TRIP11: variants seen among roughly 807,000 people sequenced by gnomAD.
TRIP11 encodes thyroid receptor-interacting protein 11.
A neutral mutation model predicts 223.1 loss-of-function variants in TRIP11; 148 were observed. The ratio of observed to expected loss-of-function variants is 0.66; its 90% confidence interval spans 0.58 to 0.76. The LOEUF (loss-of-function observed/expected upper bound fraction) is 0.76, where lower values mean the gene tolerates loss of function less well. Ranked by LOEUF, TRIP11 falls within the 30% of genes least tolerant of loss-of-function variation. The pLI, the probability that TRIP11 is intolerant of heterozygous loss-of-function variation, is 0.00. For missense variants in TRIP11, 2,043 were observed against 2,222.0 expected, an observed-to-expected ratio of 0.92 and a Z score of 1.62; for synonymous variants, 762 against 772.6, an observed-to-expected ratio of 0.99 and a Z score of 0.23.
intron 4 of TRIP11, among the ~76,000 whole-genome samples, chr14:92,020,985 A>G (rs575888000): frequency 1.3e-5 from 2 of 150,882 alleles, no homozygotes; most frequent in East Asian, 3.9e-4. Flanking sequence ...CGGGAGAATC[A>G]TTTGAACCCG....
Position 91,966,637 on chromosome 14 carries a change from A to T in TRIP11, c.*3036T>A. 1 of 214,660 alleles carries T rather than the reference A, an allele frequency of 4.7e-6. No individual in the cohort carries two copies. Among genetic ancestry groups the T allele is most frequent in the Non-Finnish European group, 9.4e-6 (1 of 106,246 alleles). 13.3% of individuals were successfully genotyped at this position (214,660 alleles called of 1,614,324 possible). On this transcript the variant is annotated 3_prime_UTR_variant, in exon 21 of 21. Transcript: ENST00000267622. ...GGGGAGATACTGGACGTTTTAATTG[A>T]CTAGTTGGAAAGAAGCCATTCTTTT...
At position 92,033,133 on chromosome 14, in the gene TRIP11, T is replaced by C. The variant is rs368621658; in HGVS notation, c.201+59A>G. On this transcript the variant is annotated intron_variant, in intron 2 of 20. Transcript: ENST00000267622. The stretch of plus-strand genomic sequence containing the variant: ...TAAAAAGAAAGGATCAAAGTAATGT[T>C]TGAGTAACCTTCATGACTTCAAAAA... 15 of 1,274,176 alleles carry C rather than the reference T, an allele frequency of 1.2e-5. No homozygotes were observed. In the South Asian group the frequency reaches 1.2e-4, roughly 10 times the overall value. The allele number at this position is 1,274,176 out of a possible 1,614,324, so 78.9% of individuals were successfully genotyped here.
At chr14:91,985,657 C>G (rs2056596465) in intron 16 of TRIP11, among the ~76,000 whole-genome samples, 1 of 152,198 alleles carries the variant, frequency 6.6e-6, no homozygotes, top group African/African-American at 2.4e-5. Flanking sequence ...AATACTTTGC[C>G]TTTACGATTC....
rs2056365098 is a variant in TRIP11, at chr14:91,968,725, A to T, written c.*948T>A. ...ACATCCAAAGCCTTGGATGGATCTC[A>T]AGGGAATTATGCTGAGTGAAAAAAA... On this transcript the variant is annotated 3_prime_UTR_variant, in exon 21 of 21. Transcript: ENST00000267622. The T allele has an allele frequency of 4.4e-6, 1 of 228,040 alleles. No individual in the cohort carries two copies. Among genetic ancestry groups the T allele is most frequent in the African/African-American group, 2.2e-5 (1 of 44,990 alleles). The allele number at this position is 228,040 out of a possible 1,614,324, so 14.1% of individuals were successfully genotyped here. A position where few individuals can be genotyped will look rare whatever the true frequency, so the allele number is the denominator to read the frequency against.
chr14:92,011,483 C>CAAAAAA (rs200967942), intron 8 of TRIP11, among the ~76,000 whole-genome samples: 1 of 42,468 alleles, frequency 2.4e-5, no homozygotes, highest in Admixed American at 3.8e-4. Flanking sequence ...GACTCCGTCT[C>CAAAAAA]AAAAAAAAAA....
At chr14:92,009,742 A>T (rs2056948516) in intron 9 of TRIP11, among the ~76,000 whole-genome samples, 1 of 152,204 alleles carries the variant, frequency 6.6e-6, no homozygotes, top group South Asian at 2.1e-4. Flanking sequence ...CTGCATATAT[A>T]CTAATGTGGA....
In TRIP11 at chr14:91,977,239, TTGA is replaced by T. The variant is rs779847482; in HGVS notation, c.5261-1053_5261-1051del. On this transcript the variant is annotated intron_variant, in intron 16 of 20. Transcript: ENST00000267622. The stretch of plus-strand genomic sequence containing the variant: ...TTCTGTGAGTTGTCATCTCACTTTC[TTGA>T]TGATATCTTTTGAAACACAAAAGTT... The T allele has an allele frequency of 2.0e-5, 9 of 454,802 alleles. 1 individual carries two copies. The East Asian group carries it at 4.2e-4, about 21-fold the overall frequency. The allele number at this position is 454,802 out of a possible 1,614,324, so 28.2% of individuals were successfully genotyped here.
At chr14:91,989,451 C>T (rs771588078) in intron 15 of TRIP11, among the ~76,000 whole-genome samples, 31 of 150,730 alleles carry the variant, frequency 2.1e-4, no homozygotes, top group Non-Finnish European at 2.8e-4. Context: ...ATATCCTGGG[C>T]TCTATTTCTG....
At chr14:91,985,770 T>C (rs1015536659) in intron 16 of TRIP11, among the ~76,000 whole-genome samples, 1 of 152,208 alleles carries the variant, frequency 6.6e-6, no homozygotes, top group Non-Finnish European at 1.5e-5. Context: ...GTGTTAAAAA[T>C]AAAGTACAGT....
At chr14:92,026,990 GGCCC>G in intron 2 of TRIP11, 2 of 800,008 alleles carry the variant, frequency 2.5e-6, no homozygotes, top group Non-Finnish European at 2.1e-6. Context: ...CAAGTAGAGA[GGCCC>G]GCCCGCCCAC....
At chr14:91,977,671 T>G (rs1393999941) in intron 16 of TRIP11, among the ~76,000 whole-genome samples, 2 of 108,472 alleles carry the variant, frequency 1.8e-5, no homozygotes, top group Non-Finnish European at 3.8e-5. Flanking sequence ...TCACCTTTCA[T>G]GTCTCTGTTT....
At chr14:91,985,785 C>T (rs902358836) in intron 16 of TRIP11, among the ~76,000 whole-genome samples, 2 of 152,156 alleles carry the variant, frequency 1.3e-5, no homozygotes, top group African/African-American at 4.8e-5. Flanking sequence ...TACAGTATTA[C>T]AACATCAATC....
At chr14:91,999,547 C>G in intron 12 of TRIP11, 114 bp from the exon 13 acceptor site, 1 of 1,107,426 alleles carries the variant, frequency 9.0e-7, no homozygotes, top group Non-Finnish European at 1.3e-6. Context: ...ATACCAATTT[C>G]TCATACTGCA....
At chr14:92,025,747 G>C (rs1253632611) in intron 2 of TRIP11, among the ~76,000 whole-genome samples, 1 of 152,130 alleles carries the variant, frequency 6.6e-6, no homozygotes, top group African/African-American at 2.4e-5. Context: ...GGGCGTGGTG[G>C]CGTGTGCCCG....
At position 92,005,453 on chromosome 14, in the gene TRIP11, A is replaced by T. The variant is rs748936811; in HGVS notation, c.2523T>A (p.Asn841Lys). The T allele has an allele frequency of 6.2e-7, 1 of 1,613,682 alleles. No homozygotes were observed. Among genetic ancestry groups the T allele is most frequent in the Non-Finnish European group, 8.5e-7 (1 of 1,179,986 alleles). The change falls in exon 11 of 21, where the codon AAT (asparagine) becomes AAA (lysine). Residue 841 changes from asparagine (N) to lysine (K), a missense_variant. Asn to Lys is a moderately conservative substitution (Grantham distance 94). Transcript: ENST00000267622. ...LDKYSQALRK[N>K]EILRQTIEEK... The stretch of plus-strand genomic sequence containing the variant: ...CCTCTATGGTCTGTCTTAAAATTTC[A>T]TTTTTTCTTAAGGCCTGAGAATATT...
intron 13 of TRIP11, 111 bp from the exon 14 acceptor site, chr14:91,995,626 T>G: frequency 8.3e-7 from 1 of 1,205,904 alleles, no homozygotes; most frequent in Non-Finnish European, 1.1e-6. Flanking sequence ...TTTCTTTTTT[T>G]TTTTTTTGAG....
At position 91,966,186 on chromosome 14, in the gene TRIP11, CAA is replaced by C. The variant is rs985718553; in HGVS notation, c.*3485_*3486del. Reference sequence around the variant, plus strand: ...CACGTTTAGATATTTCCCTAAAAATCAAAAGACAATTTAAATTGTTTTACATA... The same window carrying C: ...CACGTTTAGATATTTCCCTAAAAATCAAGACAATTTAAATTGTTTTACATA... On this transcript the variant is annotated 3_prime_UTR_variant, in exon 21 of 21. Transcript: ENST00000267622. 1.7e-5 allele frequency: 3 copies of C among 175,662 alleles called. No individual in the cohort carries two copies. The highest frequency in any genetic ancestry group is 7.1e-5 in the African/African-American group (3 of 42,186). The allele number at this position is 175,662 out of a possible 1,614,324, so 10.9% of individuals were successfully genotyped here.
At chr14:92,028,631 A>G (rs1293978668) in intron 2 of TRIP11, among the ~76,000 whole-genome samples, 1 of 152,192 alleles carries the variant, frequency 6.6e-6, no homozygotes, top group Non-Finnish European at 1.5e-5. Context: ...ATATGAAAAG[A>G]GTTGCCAGAG....
intron 17 of TRIP11, among the ~76,000 whole-genome samples, chr14:91,975,771 CA>C (rs1161008013): frequency 6.6e-6 from 1 of 151,934 alleles, no homozygotes; most frequent in Non-Finnish European, 1.5e-5. Flanking sequence ...TACATTTGAG[CA>C]AGATTATGTT....
Sources: gnomAD v4.1 joint callset for allele counts (sites outside exome capture counted in the v4.1 genomes callset) on GRCh38, gnomAD v4.1.1 for gene constraint, MANE v1.5 for transcripts, NCBI Gene and HGNC (gene_info 2026-07-23, HGNC 2026-07-21) for gene names.